Variants in HSD17B12 observed in about 807,000 individuals in gnomAD.
HSD17B12 encodes very-long-chain 3-oxoacyl-CoA reductase.
Under a neutral mutation model 39.3 loss-of-function variants are expected in HSD17B12, and 32 were observed. The observed-to-expected ratio is 0.81, with a 90% CI of 0.61 to 1.09. The LOEUF is 1.09. HSD17B12 is among the 50% of genes least tolerant of loss of function. HSD17B12 has a pLI of 0.00. For missense variants in HSD17B12, 342 were observed against 382.9 expected (o/e 0.89, Z 0.89); for synonymous variants, 150 against 146.7 (o/e 1.02, Z -0.16).
intron 1 of HSD17B12, among the ~76,000 whole-genome samples, chr11:43,712,690 A>G (rs560795225): frequency 1.3e-5 from 2 of 152,228 alleles, no homozygotes; most frequent in South Asian, 2.1e-4. Context: ...ATCTTGGGGT[A>G]CAGCTTCTGA....
In HSD17B12 at chr11:43,698,984, T is replaced by G. The variant is rs140148203; in HGVS notation, c.160+17997T>G. ...TGTTAATGTAAGCTTGTTTCTAAATTAAAAGTTAAACTAATGTAACCACTA... is the reference window on the plus strand; with the variant it reads ...TGTTAATGTAAGCTTGTTTCTAAATGAAAAGTTAAACTAATGTAACCACTA... On this transcript the variant is annotated intron_variant, in intron 1 of 10. Coordinates refer to ENST00000278353, the MANE Select transcript of HSD17B12 (RefSeq NM_016142.3). 2.1e-4 allele frequency among the ~76,000 whole-genome samples: 32 copies of G among 152,334 alleles called. No homozygotes were observed. The East Asian group carries it at 5.8e-3, about 28-fold the overall frequency.
chr11:43,759,548 T>A (rs1418333929), intron 3 of HSD17B12, among the ~76,000 whole-genome samples: 1 of 152,140 alleles, frequency 6.6e-6, no homozygotes, highest in Non-Finnish European at 1.5e-5. Context: ...TTTTGATTCA[T>A]CAAAGAAAAA....
intron 4 of HSD17B12, among the ~76,000 whole-genome samples, chr11:43,809,228 G>A (rs773743837): frequency 1.3e-5 from 2 of 152,214 alleles, no homozygotes; most frequent in East Asian, 1.9e-4. Flanking sequence ...ATATTACTAC[G>A]TCCCAGGCAT....
At chr11:43,637,060 G>A in the HSD17B12 span, among the ~76,000 whole-genome samples, 3 of 152,100 alleles carry the variant, frequency 2.0e-5, no homozygotes, top group Non-Finnish European at 4.4e-5. Flanking sequence ...TCTATAAAAT[G>A]AGGATGATAA....
chr11:43,578,159 T>A, the HSD17B12 span, among the ~76,000 whole-genome samples: 1 of 152,334 alleles, frequency 6.6e-6, no homozygotes, highest in Non-Finnish European at 1.5e-5. Flanking sequence ...CTCTTGCAGG[T>A]CTGCAGTAAG....
At chr11:43,683,094 G>A (rs1590655689) in intron 1 of HSD17B12, among the ~76,000 whole-genome samples, 1 of 80,978 alleles carries the variant, frequency 1.2e-5, no homozygotes, top group East Asian at 2.8e-4. Flanking sequence ...GCCTGGATGT[G>A]TTTTTTTTTG....
At chr11:43,676,208 G>GGTGTGTGTGTGTGTGTGTGT (rs56092553), upstream of HSD17B12, among the ~76,000 whole-genome samples, 24 of 147,730 alleles carry the variant, frequency 1.6e-4, no homozygotes, top group Admixed American at 6.1e-4. Context: ...AGAGGAAGAG[G>GGTGTGTGTGTGTGTGTGTGT]GTGTGTGTGT....
chr11:43,821,199 C>A (rs1288870490), intron 6 of HSD17B12, among the ~76,000 whole-genome samples: 2 of 152,146 alleles, frequency 1.3e-5, no homozygotes, highest in African/African-American at 4.8e-5. Flanking sequence ...TGAGTTTATT[C>A]CTTTCTTCCC....
chr11:43,711,061 G>A (rs539213770), intron 1 of HSD17B12, among the ~76,000 whole-genome samples: 5 of 152,258 alleles, frequency 3.3e-5, no homozygotes, highest in South Asian at 2.1e-4. Context: ...CCAAAGTGCT[G>A]GGATTACAGG....
chr11:43,581,624 C>G, the HSD17B12 span: 60 of 370,968 alleles, frequency 1.6e-4, no homozygotes, highest in Non-Finnish European at 3.2e-4. This position sits in a 1 kb window ranked among gnomAD's most constrained non-coding sequence, Gnocchi z 4.9. Flanking sequence ...CCGCGGTGCC[C>G]GAGGCTTTGG....
Position 43,750,905 on chromosome 11 carries a change from TCCCAG to T in HSD17B12, c.161-5_161-1del. On this transcript the variant is annotated splice_acceptor_variant and splice_polypyrimidine_tract_variant and intron_variant, in intron 1 of 10. Coordinates refer to ENST00000278353, the MANE Select transcript of HSD17B12 (RefSeq NM_016142.3). LOFTEE classifies it high-confidence loss of function. ...GACTAAACTATTGCTTTTTTCCCTT[TCCCAG>T]TTGTCACAGGTAGTACTGATGGAAT... 1 of 1,598,220 alleles carries T rather than the reference TCCCAG, an allele frequency of 6.3e-7. No individual in the cohort carries two copies. The highest frequency in any genetic ancestry group is 8.5e-7 in the Non-Finnish European group (1 of 1,170,234).
intron 7 of HSD17B12, among the ~76,000 whole-genome samples, chr11:43,834,561 C>T (rs1392254564): frequency 1.3e-5 from 2 of 152,302 alleles, no homozygotes; most frequent in African/African-American, 2.4e-5. Context: ...AGACCTATTA[C>T]GTCCTCTATG....
chr11:43,567,746 A>G, the HSD17B12 span, among the ~76,000 whole-genome samples: 3 of 152,150 alleles, frequency 2.0e-5, no homozygotes, highest in Non-Finnish European at 4.4e-5. Flanking sequence ...CTCTTTTACA[A>G]TTTCATCTAA....
chr11:43,733,051 G>A (rs1211354565), intron 1 of HSD17B12, among the ~76,000 whole-genome samples: 1 of 152,200 alleles, frequency 6.6e-6, no homozygotes, highest in Admixed American at 6.5e-5. Context: ...TGTTGTATTT[G>A]GGAAATACCA....
chr11:43,684,454 T>C (rs925473337), intron 1 of HSD17B12, among the ~76,000 whole-genome samples: 1 of 152,374 alleles, frequency 6.6e-6, no homozygotes, highest in Admixed American at 6.5e-5. Flanking sequence ...ATTTTGCAAG[T>C]ATTTGAGTAG....
intron 3 of HSD17B12, among the ~76,000 whole-genome samples, chr11:43,769,444 G>A (rs541461888): frequency 1.3e-5 from 2 of 152,274 alleles, no homozygotes; most frequent in Admixed American, 1.3e-4. Flanking sequence ...TGAGGACACT[G>A]AGACCTGGCA....
At chr11:43,656,645 C>T in the HSD17B12 span, among the ~76,000 whole-genome samples, 1 of 152,130 alleles carries the variant, frequency 6.6e-6, no homozygotes, top group African/African-American at 2.4e-5. Flanking sequence ...TTTCTGCCTT[C>T]ATTTCGTTAT....
At chr11:43,766,140 G>A (rs531865257) in intron 3 of HSD17B12, among the ~76,000 whole-genome samples, 18 of 152,222 alleles carry the variant, frequency 1.2e-4, no homozygotes, top group African/African-American at 2.4e-4. Context: ...TTTTCTTAAC[G>A]TGCTCACTCT....
intron 1 of HSD17B12, among the ~76,000 whole-genome samples, chr11:43,745,905 G>A (rs977661066): frequency 2.0e-5 from 3 of 152,070 alleles, no homozygotes; most frequent in Admixed American, 1.3e-4. Context: ...AGCTACACGG[G>A]GGGCTAAGAC....
Sources: gnomAD v4.1 joint callset for allele counts (sites outside exome capture counted in the v4.1 genomes callset) on GRCh38, gnomAD v4.1.1 for gene constraint, Gnocchi (gnomAD v3.1) non-coding constraint, MANE v1.5 for transcripts, NCBI Gene and HGNC (gene_info 2026-07-23, HGNC 2026-07-21) for gene names.